Variants in CDH20 observed in about 807,000 individuals in gnomAD.
CDH20 encodes the protein cadherin-20.
A neutral mutation model predicts 74.2 loss-of-function variants in CDH20; 29 were observed. The ratio of observed to expected loss-of-function variants is 0.39; its 90% confidence interval spans 0.29 to 0.53. The LOEUF (loss-of-function observed/expected upper bound fraction) is 0.53. Among genes scored for constraint, CDH20 ranks in the 20% least tolerant of loss-of-function variants. The pLI, the probability that CDH20 is intolerant of heterozygous loss-of-function variation, is 0.69. For synonymous variants in CDH20, 469 were observed against 405.4 expected (o/e 1.16, Z -1.88); for missense variants, 988 against 1,048.3 (o/e 0.94, Z 0.79).
intron 1 of CDH20, among the ~76,000 whole-genome samples, chr18:61,446,145 C>T (rs1261563125): frequency 3.3e-5 from 5 of 152,100 alleles, no homozygotes; most frequent in Admixed American, 3.3e-4. Context: ...CTAAGGCTAG[C>T]CATACCTAAG....
intron 1 of CDH20, among the ~76,000 whole-genome samples, chr18:61,389,271 A>G (rs764996180): frequency 1.4e-4 from 21 of 152,234 alleles, no homozygotes; most frequent in Non-Finnish European, 2.8e-4. Flanking sequence ...TACAACGAGA[A>G]AAGTAAAACC....
chr18:61,407,829 G>A (rs1312665198), intron 1 of CDH20, among the ~76,000 whole-genome samples: 1 of 152,202 alleles, frequency 6.6e-6, no homozygotes, highest in Non-Finnish European at 1.5e-5. Flanking sequence ...CAAATTGAAG[G>A]ACACTAAAGA....
chr18:61,413,335 A>T (rs575305102), intron 1 of CDH20, among the ~76,000 whole-genome samples: 23 of 152,316 alleles, frequency 1.5e-4, no homozygotes, highest in African/African-American at 5.3e-4. Context: ...GAATGCAATC[A>T]TTCTACAAAG....
At chr18:61,352,267 T>C (rs949998386) in intron 1 of CDH20, among the ~76,000 whole-genome samples, 1 of 152,192 alleles carries the variant, frequency 6.6e-6, no homozygotes, top group African/African-American at 2.4e-5. Context: ...CTAATTTCAA[T>C]CTGAGCTGTA....
At chr18:61,474,843 G>A (rs899942606) in intron 1 of CDH20, among the ~76,000 whole-genome samples, 1 of 152,122 alleles carries the variant, frequency 6.6e-6, no homozygotes, top group Non-Finnish European at 1.5e-5. Context: ...TTCCCTGGAA[G>A]AGAGATTGCT....
intron 1 of CDH20, among the ~76,000 whole-genome samples, chr18:61,399,814 A>G (rs1052885713): frequency 7.2e-5 from 11 of 152,236 alleles, no homozygotes; most frequent in African/African-American, 2.4e-4. Flanking sequence ...AAAAAATACA[A>G]TTACACTAAG....
At chr18:61,372,382 T>C (rs1026076310) in intron 1 of CDH20, among the ~76,000 whole-genome samples, 15 of 152,082 alleles carry the variant, frequency 9.9e-5, no homozygotes, top group African/African-American at 3.1e-4. Flanking sequence ...GCCTTATCAA[T>C]AAAAGAAAAA....
intron 1 of CDH20, among the ~76,000 whole-genome samples, chr18:61,404,634 A>G (rs916680291): frequency 2.6e-5 from 4 of 152,298 alleles, no homozygotes; most frequent in African/African-American, 9.6e-5. Flanking sequence ...TTACCCAGCA[A>G]TTTTAAAGAT....
intron 1 of CDH20, among the ~76,000 whole-genome samples, chr18:61,396,129 T>C (rs906810380): frequency 2.0e-5 from 3 of 151,860 alleles, no homozygotes; most frequent in Admixed American, 1.3e-4. Flanking sequence ...ACAAGCACCA[T>C]TGAGGGGATT....
intron 1 of CDH20, among the ~76,000 whole-genome samples, chr18:61,457,601 A>C (rs1481908973): frequency 6.6e-6 from 1 of 152,182 alleles, no homozygotes; most frequent in Admixed American, 6.5e-5. Context: ...TTTTGACTGG[A>C]TGACACTGGT....
At chr18:61,467,293 A>C (rs925056741) in intron 1 of CDH20, among the ~76,000 whole-genome samples, 3 of 152,152 alleles carry the variant, frequency 2.0e-5, no homozygotes, top group African/African-American at 7.2e-5. Context: ...TGTGAGGCCT[A>C]ATTTGCCTTC....
chr18:61,450,731 G>A (rs2058344), intron 1 of CDH20, among the ~76,000 whole-genome samples: 146,179 of 152,140 alleles, frequency 0.96, 70,248 homozygotes, highest in East Asian at 1. Flanking sequence ...CATACTATAC[G>A]TACTCTTAAA....
intron 1 of CDH20, among the ~76,000 whole-genome samples, chr18:61,474,446 C>T (rs941095758): frequency 1.3e-5 from 2 of 152,114 alleles, no homozygotes; most frequent in Non-Finnish European, 2.9e-5. Flanking sequence ...GAACCTGCTC[C>T]AAGTTTCAAG....
intron 1 of CDH20, among the ~76,000 whole-genome samples, chr18:61,384,850 T>G (rs1287235840): frequency 6.6e-6 from 1 of 152,216 alleles, no homozygotes. Flanking sequence ...CTATTAGTAT[T>G]AAGCGTGATA....
At chr18:61,402,851 GC>G (rs1912201551) in intron 1 of CDH20, among the ~76,000 whole-genome samples, 1 of 152,108 alleles carries the variant, frequency 6.6e-6, no homozygotes, top group Admixed American at 6.6e-5. Flanking sequence ...TTAGTAGTTG[GC>G]AGAGTAAATC....
At chr18:61,437,736 G>A (rs1279686896) in intron 1 of CDH20, among the ~76,000 whole-genome samples, 4 of 152,198 alleles carry the variant, frequency 2.6e-5, no homozygotes, top group South Asian at 2.1e-4. Flanking sequence ...ACATCAGTTC[G>A]TGTATAAAAT....
chr18:61,414,281 CAG>C (rs1026878672), intron 1 of CDH20, among the ~76,000 whole-genome samples: 7 of 152,102 alleles, frequency 4.6e-5, no homozygotes, highest in African/African-American at 1.7e-4. Flanking sequence ...TATAAGATCT[CAG>C]AGTCTTGTTA....
At chr18:61,416,507 T>C (rs879233081) in intron 1 of CDH20, among the ~76,000 whole-genome samples, 2 of 152,226 alleles carry the variant, frequency 1.3e-5, no homozygotes, top group African/African-American at 4.8e-5. Flanking sequence ...TCCTTCTACT[T>C]TTCTGCTCTG....
At chr18:61,360,642 A>G (rs898437355) in intron 1 of CDH20, among the ~76,000 whole-genome samples, 1 of 152,206 alleles carries the variant, frequency 6.6e-6, no homozygotes, top group Non-Finnish European at 1.5e-5. Context: ...GTCAGACCTC[A>G]CAGGGGAGAT....
Sources: allele counts gnomAD v4.1 joint callset (sites outside exome capture counted in the v4.1 genomes callset), GRCh38; gene constraint gnomAD v4.1.1; transcripts MANE v1.5; gene names NCBI Gene and HGNC (gene_info 2026-07-23, HGNC 2026-07-21).